The following ANGPT1 variants were observed in gnomAD, a reference collection of about 807,000 sequenced individuals.
ANGPT1 encodes the protein angiopoietin 1, also known as angiopoietin-1.
In ANGPT1, 17 loss-of-function variants were observed where a neutral mutation model predicts 62.2. The observed-to-expected ratio is 0.27, with a 90% CI of 0.19 to 0.41. The LOEUF (loss-of-function observed/expected upper bound fraction) is 0.41, where lower values mean the gene tolerates loss of function less well. ANGPT1 is among the 10% of genes least tolerant of loss of function. ANGPT1 has a pLI of 1.00. For synonymous variants in ANGPT1, 199 were observed against 198.9 expected (o/e 1.00, Z 0.00); for missense variants, 478 against 594.9 (o/e 0.80, Z 2.04).
chr8:107,263,503 G>GT (rs1813545465), intron 8 of ANGPT1, among the ~76,000 whole-genome samples: 1 of 151,790 alleles, frequency 6.6e-6, no homozygotes. Flanking sequence ...TATTGTTGTT[G>GT]TTTTTTGTTG....
At chr8:107,286,390 T>A (rs1814141673) in intron 6 of ANGPT1, among the ~76,000 whole-genome samples, 1 of 152,080 alleles carries the variant, frequency 6.6e-6, no homozygotes, top group African/African-American at 2.4e-5. Flanking sequence ...CTGGGAAAAA[T>A]TTTAAAAATT....
intron 1 of ANGPT1, among the ~76,000 whole-genome samples, chr8:107,441,707 TA>T (rs1811479880): frequency 1.3e-5 from 2 of 152,192 alleles, no homozygotes; most frequent in African/African-American, 4.8e-5. Context: ...TTGTGATGAC[TA>T]AATGAGATTA....
intron 1 of ANGPT1, among the ~76,000 whole-genome samples, chr8:107,461,608 C>T (rs1812074337): frequency 6.6e-6 from 1 of 152,096 alleles, no homozygotes; most frequent in Admixed American, 6.6e-5. Flanking sequence ...AATCATTTAA[C>T]AACTTCACTG....
At chr8:107,372,138 A>T (rs1816427781) in intron 1 of ANGPT1, among the ~76,000 whole-genome samples, 1 of 151,556 alleles carries the variant, frequency 6.6e-6, no homozygotes, top group Non-Finnish European at 1.5e-5. Flanking sequence ...GGGCAAGGTG[A>T]TGTTTCATTG....
At chr8:107,299,125 CAT>C (rs1814490904) in intron 5 of ANGPT1, among the ~76,000 whole-genome samples, 2 of 151,514 alleles carry the variant, frequency 1.3e-5, no homozygotes, top group African/African-American at 4.8e-5. Flanking sequence ...GTGTAGCTCA[CAT>C]GTCACACCAT....
chr8:107,385,040 C>T (rs1319716497), intron 1 of ANGPT1, among the ~76,000 whole-genome samples: 1 of 152,024 alleles, frequency 6.6e-6, no homozygotes, highest in Non-Finnish European at 1.5e-5. Flanking sequence ...AGTTTGAAGT[C>T]CAGTAGTGTG....
intron 1 of ANGPT1, among the ~76,000 whole-genome samples, chr8:107,434,556 T>A (rs565452025): frequency 3.3e-5 from 5 of 152,046 alleles, no homozygotes; most frequent in African/African-American, 1.2e-4. Flanking sequence ...TTAAAGAGAC[T>A]TTGCCCTAAG....
intron 1 of ANGPT1, among the ~76,000 whole-genome samples, chr8:107,371,880 C>T (rs1816423011): frequency 6.6e-6 from 1 of 152,084 alleles, no homozygotes; most frequent in Non-Finnish European, 1.5e-5. Flanking sequence ...CAACTTATTG[C>T]TCTTCTGGCT....
intron 1 of ANGPT1, among the ~76,000 whole-genome samples, chr8:107,462,986 C>T (rs1054396798): frequency 6.6e-6 from 1 of 152,078 alleles, no homozygotes; most frequent in Non-Finnish European, 1.5e-5. Flanking sequence ...TGTCTGGGAT[C>T]CTAAAATTCA....
intron 4 of ANGPT1, among the ~76,000 whole-genome samples, chr8:107,310,385 T>C (rs995745758): frequency 6.6e-6 from 1 of 152,174 alleles, no homozygotes; most frequent in Non-Finnish European, 1.5e-5. Flanking sequence ...TAACTACTTC[T>C]TACTGGCCTT....
intron 1 of ANGPT1, among the ~76,000 whole-genome samples, chr8:107,348,625 C>G (rs1305580509): frequency 6.6e-6 from 1 of 152,076 alleles, no homozygotes; most frequent in Non-Finnish European, 1.5e-5. Flanking sequence ...AAATGTAAGG[C>G]CTGTAGGCCA....
intron 1 of ANGPT1, among the ~76,000 whole-genome samples, chr8:107,478,999 C>A (rs1812605780): frequency 6.6e-6 from 1 of 152,074 alleles, no homozygotes; most frequent in African/African-American, 2.4e-5. Flanking sequence ...TTAACAGTTG[C>A]AGTCATGGGG....
At chr8:107,482,602 C>A (rs1812718377) in intron 1 of ANGPT1, among the ~76,000 whole-genome samples, 1 of 152,132 alleles carries the variant, frequency 6.6e-6, no homozygotes, top group Non-Finnish European at 1.5e-5. Flanking sequence ...GAGGGGAACT[C>A]TTCATGAGAG....
At chr8:107,450,705 G>GGGGTGT (rs1554595531) in intron 1 of ANGPT1, among the ~76,000 whole-genome samples, 3 of 142,292 alleles carry the variant, frequency 2.1e-5, no homozygotes, top group Admixed American at 6.9e-5. Context: ...AATGGGAATA[G>GGGGTGT]GTGTGTGTGT....
chr8:107,436,197 T>G (rs765813342), intron 1 of ANGPT1, among the ~76,000 whole-genome samples: 1 of 152,212 alleles, frequency 6.6e-6, no homozygotes, highest in African/African-American at 2.4e-5. Flanking sequence ...TGAGCCACAG[T>G]GCCTGGCCAA....
At chr8:107,278,280 C>T (rs946027504) in intron 7 of ANGPT1, among the ~76,000 whole-genome samples, 5 of 151,960 alleles carry the variant, frequency 3.3e-5, no homozygotes, top group South Asian at 2.1e-4. Flanking sequence ...ACAAAGTTCT[C>T]GCTATGTTGC....
chr8:107,297,898 TA>T (rs1218738555), intron 5 of ANGPT1, among the ~76,000 whole-genome samples: 2 of 151,700 alleles, frequency 1.3e-5, no homozygotes, highest in Non-Finnish European at 2.9e-5. Context: ...GAAGGAAATT[TA>T]AAAAAATAGA....
At chr8:107,294,897 AC>A (rs2130185327) in intron 5 of ANGPT1, 2 of 152,280 alleles carry the variant, frequency 1.3e-5, no homozygotes, top group East Asian at 1.9e-4. Flanking sequence ...TGATTATTCA[AC>A]GGGGACTATG....
intron 1 of ANGPT1, among the ~76,000 whole-genome samples, chr8:107,427,607 G>A (rs189625592): frequency 3.2e-4 from 49 of 152,260 alleles, no homozygotes; most frequent in African/African-American, 1.2e-3. Flanking sequence ...ATTTCTGTTT[G>A]ATTCTCCCCT....
Sources: allele counts gnomAD v4.1 joint callset (sites outside exome capture counted in the v4.1 genomes callset), GRCh38; gene constraint gnomAD v4.1.1; transcripts MANE v1.5; gene names NCBI Gene and HGNC (gene_info 2026-07-23, HGNC 2026-07-21).